MCF2L2: variants seen among roughly 807,000 people sequenced by gnomAD.
The protein encoded by MCF2L2 is probable guanine nucleotide exchange factor MCF2L2.
MCF2L2 carries 102 observed loss-of-function variants against 150.2 expected under a neutral mutation model. That is an observed-to-expected ratio of 0.68 (90% CI 0.58 to 0.80). The LOEUF (loss-of-function observed/expected upper bound fraction) is 0.80, where lower values mean the gene tolerates loss of function less well. Ranked by LOEUF, MCF2L2 falls within the 30% of genes least tolerant of loss-of-function variation. The pLI is 0.00. For synonymous variants in MCF2L2, 465 were observed against 491.3 expected, an observed-to-expected ratio of 0.95 and a Z score of 0.71; for missense variants, 1,256 against 1,372.8, an observed-to-expected ratio of 0.91 and a Z score of 1.34.
intron 13 of MCF2L2, 28 bp downstream of exon 13, chr3:183,295,272 C>T (rs1477456620): frequency 1.3e-6 from 2 of 1,579,408 alleles, no homozygotes; most frequent in Admixed American, 3.9e-5. Context: ...ACAAAAGCCA[C>T]AAAGCTTCTT....
At chr3:183,195,806 C>A (rs767617419) in intron 25 of MCF2L2, among the ~76,000 whole-genome samples, 1 of 152,200 alleles carries the variant, frequency 6.6e-6, no homozygotes, top group Non-Finnish European at 1.5e-5. Flanking sequence ...CTATACCTGA[C>A]TCTCCCAGGC....
At chr3:183,230,365 C>T (rs996034553) in intron 16 of MCF2L2, among the ~76,000 whole-genome samples, 7 of 152,178 alleles carry the variant, frequency 4.6e-5, no homozygotes, top group Non-Finnish European at 1.0e-4. Flanking sequence ...CCACCCGCCT[C>T]GGCCTCCCAA....
chr3:183,310,662 C>T (rs79414175), intron 9 of MCF2L2: 5 of 383,050 alleles, frequency 1.3e-5, no homozygotes, highest in Non-Finnish European at 2.4e-5. Flanking sequence ...GACCCTGTTT[C>T]AAAAAAAAAA....
rs1007156817 is a variant in MCF2L2 at position 183,323,153 on chromosome 3, G to T, written c.603+82C>A. On this transcript the variant is annotated intron_variant, in intron 6 of 29. Coordinates refer to ENST00000328913, the MANE Select transcript of MCF2L2 (RefSeq NM_015078.4). ...TCAGGCAGTCACAGGGTGACCTCCT[G>T]GCAGTTGATCTTTAACTCCCCCACC... 4.2e-6 allele frequency: 4 copies of T among 955,986 alleles called. No individual in the cohort carries two copies. In the South Asian group the frequency reaches 6.6e-5, roughly 16 times the overall value. The allele number at this position is 955,986 out of a possible 1,614,324, so 59.2% of individuals were successfully genotyped here.
chr3:183,310,531 G>A (rs192493197), intron 9 of MCF2L2: 33 of 275,412 alleles, frequency 1.2e-4, no homozygotes, highest in African/African-American at 7.2e-4. Flanking sequence ...GTGATGGTGG[G>A]GCATGCCTGT....
Position 183,323,325 on chromosome 3 carries a change from G to A in MCF2L2, c.513C>T (p.Asp171=), listed in dbSNP as rs200566515. 6.2e-7 allele frequency: 1 copy of A among 1,613,330 alleles called. No homozygotes were observed. Among genetic ancestry groups the A allele is most frequent in the East Asian group, 2.2e-5 (1 of 44,866 alleles). Residue 171 remains aspartate, a synonymous_variant, in exon 6 of 30, where the codon GAC becomes GAT. Coordinates refer to ENST00000328913, the MANE Select transcript of MCF2L2 (RefSeq NM_015078.4). The part of the protein sequence containing the change: ...VPIIMVNSVS[D]LHGYIDKSQL... ...GGCTTTTGTCGATGTAGCCGTGAAG[G>A]TCAGAGACAGAGTTTACCATGATGA...
chr3:183,220,875 T>C (rs566214308), intron 20 of MCF2L2, among the ~76,000 whole-genome samples: 3 of 152,238 alleles, frequency 2.0e-5, no homozygotes, highest in Admixed American at 6.5e-5. Flanking sequence ...CAAGAGCACA[T>C]GATTCATTAA....
intron 1 of MCF2L2, among the ~76,000 whole-genome samples, chr3:183,426,912 C>T (rs1285555599): frequency 6.6e-6 from 1 of 152,182 alleles, no homozygotes; most frequent in Non-Finnish European, 1.5e-5. Context: ...GAGATGTGCA[C>T]GATTATTACA....
intron 1 of MCF2L2, among the ~76,000 whole-genome samples, chr3:183,417,780 T>G (rs1715678447): frequency 6.9e-6 from 1 of 145,242 alleles, no homozygotes; most frequent in African/African-American, 2.8e-5. Context: ...TGACTCACAG[T>G]TCCACATGGC....
Position 183,270,462 on chromosome 3 carries a change from C to A in MCF2L2, c.1862+6410G>T. ...TGGTGTTCAAGACTTTTGGATTGGT[C>A]GTGTTCATCGTGGTGCCCCTCCCAT... On this transcript the variant is annotated intron_variant, in intron 15 of 29. Coordinates refer to ENST00000328913, the MANE Select transcript of MCF2L2 (RefSeq NM_015078.4). The surrounding 1 kb of genome is among the most constrained non-coding windows in gnomAD (Gnocchi z 4.5). The A allele has an allele frequency of 6.2e-7, 1 of 1,614,130 alleles. No individual in the cohort carries two copies. The highest frequency in any genetic ancestry group is 1.1e-5 in the South Asian group (1 of 91,056).
At chr3:183,228,249 T>A (rs2108668629) in intron 18 of MCF2L2, 48 bp downstream of exon 18, 1 of 1,441,044 alleles carries the variant, frequency 6.9e-7, no homozygotes, top group Non-Finnish European at 9.8e-7. Context: ...AACGCAGAAA[T>A]GTAAGGGCTG....
At chr3:183,209,825 C>T (rs908791050) in intron 22 of MCF2L2, among the ~76,000 whole-genome samples, 1 of 151,980 alleles carries the variant, frequency 6.6e-6, no homozygotes, top group South Asian at 2.1e-4. Flanking sequence ...GTAAAATTAC[C>T]TTCAGTCTAT....
intron 15 of MCF2L2, among the ~76,000 whole-genome samples, chr3:183,256,804 T>C (rs373715960): frequency 1.3e-3 from 199 of 152,300 alleles, no homozygotes; most frequent in Non-Finnish European, 2.6e-3. Context: ...TGTGTCATCC[T>C]AATTGAAATG....
At chr3:183,203,111 G>A (rs1722348323) in intron 25 of MCF2L2, among the ~76,000 whole-genome samples, 1 of 152,158 alleles carries the variant, frequency 6.6e-6, no homozygotes, top group Non-Finnish European at 1.5e-5. Context: ...TACTCGGGAG[G>A]CTGAGGCAGA....
intron 3 of MCF2L2, among the ~76,000 whole-genome samples, chr3:183,358,615 C>A (rs1338546862): frequency 1.3e-5 from 2 of 152,040 alleles, no homozygotes; most frequent in Non-Finnish European, 2.9e-5. Context: ...AGGTTGGTTA[C>A]GGAAAATTTT....
At chr3:183,399,134 C>A (rs943915318) in intron 1 of MCF2L2, among the ~76,000 whole-genome samples, 2 of 152,166 alleles carry the variant, frequency 1.3e-5, no homozygotes, top group Non-Finnish European at 2.9e-5. Flanking sequence ...AAAGCAAAAT[C>A]TAACAAGTTG....
intron 19 of MCF2L2, 91 bp from the exon 20 acceptor site, chr3:183,223,529 C>T: frequency 1.1e-6 from 1 of 936,546 alleles, no homozygotes; most frequent in Non-Finnish European, 1.7e-6. Flanking sequence ...CACAAAATTG[C>T]TTTTCCTGGA....
rs145171025 is a variant in MCF2L2, at chr3:183,386,895, G to A, written c.160+2801C>T. Among the ~76,000 whole-genome samples the A allele has an allele frequency of 8.4e-3, 1,282 of 152,292 alleles. 11 individuals carry two copies. The highest frequency in any genetic ancestry group is 0.014 in the Non-Finnish European group (923 of 68,034). On this transcript the variant is annotated intron_variant, in intron 2 of 29. Coordinates refer to ENST00000328913, the MANE Select transcript of MCF2L2 (RefSeq NM_015078.4). ...TGACTCAGAGAGACCCACGGCTGCC[G>A]CTATTCTTGCAGACTTGCAAGGCTG...
In MCF2L2 at chr3:183,190,078, G is replaced by A. The variant is rs555397500; in HGVS notation, c.3016+2921C>T. On this transcript the variant is annotated intron_variant, in intron 27 of 29. Transcript: ENST00000328913. ...TGTGTTTTAAATCGATAATTAGTCT[G>A]ACCCTGTTACTTTCTCCCTTCAGTG... Among the ~76,000 whole-genome samples the A allele has an allele frequency of 5.3e-5, 8 of 152,282 alleles. No homozygotes were observed. In the South Asian group the frequency reaches 1.2e-3, roughly 24 times the overall value.
Sources: gnomAD v4.1 joint callset for allele counts (sites outside exome capture counted in the v4.1 genomes callset) on GRCh38, gnomAD v4.1.1 for gene constraint, Gnocchi (gnomAD v3.1) non-coding constraint, MANE v1.5 for transcripts, NCBI Gene and HGNC (gene_info 2026-07-23, HGNC 2026-07-21) for gene names.